COL19A1: variants seen among roughly 807,000 people sequenced by gnomAD.
COL19A1 encodes collagen type XIX alpha 1 chain.
A neutral mutation model predicts 190.2 loss-of-function variants in COL19A1; 159 were observed. That is an observed-to-expected ratio of 0.84 (90% CI 0.73 to 0.95). The LOEUF is 0.95. Among genes scored for constraint, COL19A1 ranks in the 40% least tolerant of loss-of-function variants. The pLI is 0.00. For synonymous variants in COL19A1, 509 were observed against 458.9 expected, an observed-to-expected ratio of 1.11 and a Z score of -1.39; for missense variants, 1,418 against 1,431.9, an observed-to-expected ratio of 0.99 and a Z score of 0.16.
chr6:69,921,177 C>G (rs1418983738), intron 4 of COL19A1, among the ~76,000 whole-genome samples: 1 of 128,712 alleles, frequency 7.8e-6, no homozygotes, highest in Non-Finnish European at 1.5e-5. Context: ...ATATACGTAT[C>G]ACATATATTC....
chr6:70,019,946 T>C (rs1274968076), intron 11 of COL19A1, among the ~76,000 whole-genome samples: 2 of 152,138 alleles, frequency 1.3e-5, no homozygotes, highest in Non-Finnish European at 2.9e-5. Context: ...TTATTAAATA[T>C]GCAACACTTG....
intron 8 of COL19A1, 150 bp from the exon 9 acceptor site, chr6:69,937,888 T>C: frequency 1.6e-6 from 1 of 633,360 alleles, no homozygotes; most frequent in Non-Finnish European, 2.8e-6. Flanking sequence ...TTTTCCCTTG[T>C]TCACGTGGCT....
At chr6:69,970,734 C>T (rs996748736) in intron 11 of COL19A1, among the ~76,000 whole-genome samples, 8 of 152,272 alleles carry the variant, frequency 5.3e-5, no homozygotes, top group Admixed American at 3.3e-4. Context: ...GCGTGTTATA[C>T]AATTGTTTCC....
intron 14 of COL19A1, among the ~76,000 whole-genome samples, chr6:70,050,727 T>C (rs2150131947): frequency 6.6e-6 from 1 of 152,214 alleles, no homozygotes; most frequent in Non-Finnish European, 1.5e-5. Context: ...CCTTCTCCCA[T>C]ATTAAAAATT....
intron 15 of COL19A1, among the ~76,000 whole-genome samples, chr6:70,097,428 T>C (rs1783345017): frequency 1.3e-5 from 2 of 152,124 alleles, no homozygotes; most frequent in South Asian, 2.1e-4. Flanking sequence ...CCACATTTTG[T>C]TTATCCATTC....
intron 15 of COL19A1, among the ~76,000 whole-genome samples, chr6:70,068,969 C>T (rs563097763): frequency 6.6e-6 from 1 of 152,206 alleles, no homozygotes; most frequent in African/African-American, 2.4e-5. Flanking sequence ...CAATAACCTC[C>T]TATTTCTAGT....
chr6:70,133,535 A>G (rs780310046), intron 18 of COL19A1, among the ~76,000 whole-genome samples: 1 of 152,216 alleles, frequency 6.6e-6, no homozygotes, highest in Non-Finnish European at 1.5e-5. Context: ...CTTGCAAGTT[A>G]CTTGAGGAGA....
chr6:70,098,445 C>T (rs745328264), intron 15 of COL19A1: 49 of 512,386 alleles, frequency 9.6e-5, no homozygotes, highest in Non-Finnish European at 1.9e-4. Context: ...GTTGTTCCTT[C>T]TCAGAATCCA....
At chr6:70,147,517 G>C (rs755083045) in intron 27 of COL19A1, among the ~76,000 whole-genome samples, 2 of 152,136 alleles carry the variant, frequency 1.3e-5, no homozygotes, top group Non-Finnish European at 2.9e-5. Context: ...AACAAGAAAA[G>C]TGGAAATAAA....
chr6:70,168,261 A>G (rs969367270), intron 39 of COL19A1, 46 bp downstream of exon 39: 6 of 1,583,176 alleles, frequency 3.8e-6, no homozygotes, highest in Middle Eastern at 1.7e-4. Context: ...CTGAACAACC[A>G]CAATGAAAAA....
intron 14 of COL19A1, among the ~76,000 whole-genome samples, chr6:70,037,013 A>G (rs944415098): frequency 1.3e-5 from 2 of 152,232 alleles, no homozygotes; most frequent in African/African-American, 4.8e-5. Context: ...AACTAAATAG[A>G]TAACTTACTT....
In COL19A1 at chr6:70,172,157, T is replaced by TA. The variant is rs751423716; in HGVS notation, c.2622+141dup. 2.5e-4 allele frequency: 161 copies of TA among 653,862 alleles called. 1 individual carries two copies. The highest frequency in any genetic ancestry group is 1.6e-4 in the Admixed American group (5 of 31,272). The allele number at this position is 653,862 out of a possible 1,614,324, so 40.5% of individuals were successfully genotyped here. ...CAAAAATGTATGTACTCATGGGACTTACATTCTAGCAAAAGGATATAGAAA... is the reference window on the plus strand; with the variant it reads ...CAAAAATGTATGTACTCATGGGACTTAACATTCTAGCAAAAGGATATAGAAA... On this transcript the variant is annotated intron_variant, in intron 41 of 50. Coordinates refer to ENST00000620364, the MANE Select transcript of COL19A1 (RefSeq NM_001858.6).
intron 11 of COL19A1, among the ~76,000 whole-genome samples, chr6:70,006,927 A>T (rs1295962418): frequency 2.0e-5 from 3 of 152,130 alleles, no homozygotes; most frequent in Non-Finnish European, 2.9e-5. Flanking sequence ...CACTTTAAAA[A>T]TTTCAAAAAA....
At chr6:70,110,067 A>G (rs1344779623) in intron 16 of COL19A1, among the ~76,000 whole-genome samples, 1 of 152,218 alleles carries the variant, frequency 6.6e-6, no homozygotes, top group East Asian at 1.9e-4. Context: ...TTCAGCATAT[A>G]GCAGGACCCA....
At chr6:69,869,762 A>G (rs1365112250) in intron 1 of COL19A1, among the ~76,000 whole-genome samples, 1 of 152,244 alleles carries the variant, frequency 6.6e-6, no homozygotes, top group Non-Finnish European at 1.5e-5. Flanking sequence ...AGTTCAGAGA[A>G]GTGAGTCGGT....
At position 69,932,780 on chromosome 6, in the gene COL19A1, T is replaced by C; in HGVS notation, c.667-3T>C. 1.9e-6 allele frequency: 3 copies of C among 1,575,922 alleles called. No individual in the cohort carries two copies. Among genetic ancestry groups the C allele is most frequent in the Middle Eastern group, 1.7e-4 (1 of 5,928 alleles). On this transcript the variant is annotated splice_polypyrimidine_tract_variant and splice_region_variant and intron_variant, in intron 6 of 50. Transcript: ENST00000620364. ...ATGTTTCTTATTACTAATTTTTTCATAGATTGAACTTCACCAACTTAAAAT... is the reference window on the plus strand; with the variant it reads ...ATGTTTCTTATTACTAATTTTTTCACAGATTGAACTTCACCAACTTAAAAT...
At chr6:69,986,923 T>A (rs1227990288) in intron 11 of COL19A1, among the ~76,000 whole-genome samples, 2 of 152,194 alleles carry the variant, frequency 1.3e-5, no homozygotes, top group Non-Finnish European at 2.9e-5. Context: ...TTTTGTGTTG[T>A]GTTGTGTTGT....
chr6:70,187,172 G>A (rs1025393040), intron 46 of COL19A1, among the ~76,000 whole-genome samples: 1 of 152,098 alleles, frequency 6.6e-6, no homozygotes, highest in African/African-American at 2.4e-5. Context: ...GAGCCACCGC[G>A]CCTGGCCCAA....
chr6:70,119,807 T>C (rs149529684), intron 16 of COL19A1, among the ~76,000 whole-genome samples: 166 of 152,282 alleles, frequency 1.1e-3, no homozygotes, highest in African/African-American at 3.9e-3. Flanking sequence ...ATGTTTGCTA[T>C]TGGCCGGGCC....
Sources: gnomAD v4.1 joint callset for allele counts (sites outside exome capture counted in the v4.1 genomes callset) on GRCh38, gnomAD v4.1.1 for gene constraint, MANE v1.5 for transcripts, NCBI Gene and HGNC (gene_info 2026-07-23, HGNC 2026-07-21) for gene names.